RABGAP1L: variants seen among roughly 807,000 people sequenced by gnomAD.
RABGAP1L encodes RAB GTPase activating protein 1 like, also known as rab GTPase-activating protein 1-like.
A neutral mutation model predicts 137.7 loss-of-function variants in RABGAP1L; 63 were observed. That is an observed-to-expected ratio of 0.46 (90% CI 0.37 to 0.56). RABGAP1L has a LOEUF of 0.56. Ranked by LOEUF, RABGAP1L falls within the 20% of genes least tolerant of loss-of-function variation. RABGAP1L has a pLI of 0.00. For synonymous variants in RABGAP1L, 431 were observed against 433.7 expected, an observed-to-expected ratio of 0.99 and a Z score of 0.08; for missense variants, 1,095 against 1,244.0, an observed-to-expected ratio of 0.88 and a Z score of 1.80.
chr1:174,376,188 G>A (rs1003241690), intron 12 of RABGAP1L, among the ~76,000 whole-genome samples: 1 of 149,100 alleles, frequency 6.7e-6, no homozygotes, highest in Non-Finnish European at 1.5e-5. Flanking sequence ...GAAAGAAAGT[G>A]AAGGAAAGAA....
chr1:174,817,994 C>T (rs1029033967), intron 19 of RABGAP1L, among the ~76,000 whole-genome samples: 9 of 152,136 alleles, frequency 5.9e-5, no homozygotes. Context: ...AAATTATAAG[C>T]ACTAAAGATA....
intron 15 of RABGAP1L, among the ~76,000 whole-genome samples, chr1:174,697,775 AAT>A (rs749388467): frequency 3.3e-5 from 5 of 152,240 alleles, no homozygotes; most frequent in Non-Finnish European, 7.3e-5. Flanking sequence ...AGGAGTAAAG[AAT>A]ACAGTGTAAT....
intron 7 of RABGAP1L, among the ~76,000 whole-genome samples, chr1:174,265,319 G>A (rs1380131240): frequency 1.3e-5 from 2 of 151,842 alleles, no homozygotes; most frequent in African/African-American, 2.4e-5. Context: ...TTTTAAGCAG[G>A]GATTAAACCA....
At chr1:174,564,277 C>A (rs932548173) in intron 13 of RABGAP1L, among the ~76,000 whole-genome samples, 3 of 151,852 alleles carry the variant, frequency 2.0e-5, no homozygotes, top group Non-Finnish European at 2.9e-5. Flanking sequence ...ATTTTTTTCC[C>A]CTGAGACATA....
intron 19 of RABGAP1L, among the ~76,000 whole-genome samples, chr1:174,824,648 ATATAAT>A (rs541751321): frequency 2.6e-4 from 40 of 152,306 alleles, no homozygotes; most frequent in African/African-American, 8.7e-4. Context: ...GGAATATAAA[ATATAAT>A]TATATTAGAT....
intron 7 of RABGAP1L, among the ~76,000 whole-genome samples, chr1:174,258,676 A>G (rs1052891581): frequency 1.3e-5 from 2 of 152,204 alleles, no homozygotes; most frequent in Non-Finnish European, 2.9e-5. Flanking sequence ...AAATCCTTCA[A>G]ATTACATAAT....
chr1:174,401,190 G>C (rs766512033), intron 13 of RABGAP1L, among the ~76,000 whole-genome samples: 4 of 152,076 alleles, frequency 2.6e-5, no homozygotes, highest in Non-Finnish European at 5.9e-5. Flanking sequence ...TTCGCTTTAG[G>C]AGGAGATTTT....
chr1:174,508,538 T>C (rs1286460653), intron 13 of RABGAP1L, among the ~76,000 whole-genome samples: 1 of 152,204 alleles, frequency 6.6e-6, no homozygotes, highest in Non-Finnish European at 1.5e-5. Context: ...AAAAAGTGGC[T>C]AAGATCTGAT....
rs145102310 is a variant in RABGAP1L at position 174,764,065 on chromosome 1, T to C, written c.2211+11711T>C. Among the ~76,000 whole-genome samples, 250 of 152,312 alleles carry C rather than the reference T, an allele frequency of 1.6e-3. 1 individual carries two copies. Among genetic ancestry groups the C allele is most frequent in the African/African-American group, 5.8e-3 (240 of 41,572 alleles). On this transcript the variant is annotated intron_variant, in intron 18 of 25. Coordinates refer to ENST00000681986, the MANE Select transcript of RABGAP1L (RefSeq NM_001366446.1). ...CATATAAATGGGATCATATGATAAG[T>C]GGTCTTTTGTGACTGGCTTTTTTTC...
At chr1:174,958,041 A>G in intron 20 of RABGAP1L, 1 of 1,532,304 alleles carries the variant, frequency 6.5e-7, no homozygotes, top group East Asian at 2.4e-5. Flanking sequence ...TTAGCTGTGC[A>G]TGTCATATCC....
At chr1:174,701,015 C>T (rs1679605363) in intron 16 of RABGAP1L, 2 of 1,276,556 alleles carry the variant, frequency 1.6e-6, no homozygotes, top group Admixed American at 2.5e-5. Context: ...TTTGAAGTAC[C>T]TAATGGGCAC....
chr1:174,834,880 G>A (rs2148925742), intron 19 of RABGAP1L, among the ~76,000 whole-genome samples: 1 of 152,284 alleles, frequency 6.6e-6, no homozygotes, highest in Non-Finnish European at 1.5e-5. Flanking sequence ...TGAGGTTGGA[G>A]ATGAAGCCAG....
At chr1:174,683,737 G>T (rs1278672211) in intron 15 of RABGAP1L, 141 bp downstream of exon 15, 2 of 543,946 alleles carry the variant, frequency 3.7e-6, no homozygotes, top group African/African-American at 2.0e-5. Flanking sequence ...TACGTTAGGT[G>T]ATAAAGTAAG....
chr1:174,225,379 T>A (rs983541939), intron 3 of RABGAP1L, among the ~76,000 whole-genome samples: 6 of 152,272 alleles, frequency 3.9e-5, no homozygotes, highest in South Asian at 2.1e-4. Context: ...GGATTATTTT[T>A]TCACTTGAGA....
intron 14 of RABGAP1L, among the ~76,000 whole-genome samples, chr1:174,655,537 GTGA>G (rs1380852722): frequency 3.3e-5 from 5 of 151,998 alleles, no homozygotes; most frequent in Non-Finnish European, 7.4e-5. Context: ...CCCATTATTG[GTGA>G]TGATTAGTGT....
At chr1:174,696,880 G>A (rs1679300147) in intron 15 of RABGAP1L, among the ~76,000 whole-genome samples, 1 of 152,190 alleles carries the variant, frequency 6.6e-6, no homozygotes, top group East Asian at 1.9e-4. Flanking sequence ...TTTCTTGCGT[G>A]GATAGTTGTT....
chr1:174,800,440 G>T, intron 18 of RABGAP1L: 1 of 1,550,920 alleles, frequency 6.4e-7, no homozygotes, highest in Non-Finnish European at 8.7e-7. Flanking sequence ...ATGAGTATGC[G>T]TGTCGAGTGC....
chr1:174,598,353 T>A (rs1446280567), intron 13 of RABGAP1L, among the ~76,000 whole-genome samples: 1 of 150,800 alleles, frequency 6.6e-6, no homozygotes, highest in Non-Finnish European at 1.5e-5. Context: ...AAAAATGGTC[T>A]GTCTTTGAGA....
intron 14 of RABGAP1L, among the ~76,000 whole-genome samples, chr1:174,675,516 G>A (rs902202971): frequency 2.7e-4 from 41 of 151,698 alleles, no homozygotes; most frequent in African/African-American, 9.5e-4. Flanking sequence ...TTGAAGTCAG[G>A]TAGCGTGATG....
Sources: gnomAD v4.1 joint callset for allele counts (sites outside exome capture counted in the v4.1 genomes callset) on GRCh38, gnomAD v4.1.1 for gene constraint, MANE v1.5 for transcripts, NCBI Gene and HGNC (gene_info 2026-07-23, HGNC 2026-07-21) for gene names.